NHSL1: variants seen among roughly 807,000 people sequenced by gnomAD.
The protein encoded by NHSL1 is NHS like 1, also known as NHS-like protein 1.
NHSL1 carries 48 observed loss-of-function variants against 95.0 expected under a neutral mutation model. That is an observed-to-expected ratio of 0.51 (90% CI 0.40 to 0.64). NHSL1 has a LOEUF of 0.64. Among genes scored for constraint, NHSL1 ranks in the 30% least tolerant of loss-of-function variants. The pLI, the probability that NHSL1 is intolerant of heterozygous loss-of-function variation, is 0.00. For synonymous variants in NHSL1, 783 were observed against 833.9 expected (o/e 0.94, Z 1.05); for missense variants, 1,971 against 2,077.7 (o/e 0.95, Z 1.00).
At chr6:138,561,956 T>C (rs1284739726) in intron 1 of NHSL1, among the ~76,000 whole-genome samples, 1 of 152,360 alleles carries the variant, frequency 6.6e-6, no homozygotes, top group South Asian at 2.1e-4. Context: ...GTCTATGATA[T>C]CTACTAGTCA....
upstream of NHSL1, among the ~76,000 whole-genome samples, chr6:138,548,845 C>T (rs1782900069): frequency 6.6e-6 from 1 of 151,306 alleles, no homozygotes; most frequent in Non-Finnish European, 1.5e-5. Context: ...CAGAAGAATA[C>T]ACAAAATTAA....
At chr6:138,600,647 T>C (rs1431398285) in intron 1 of NHSL1, among the ~76,000 whole-genome samples, 1 of 152,228 alleles carries the variant, frequency 6.6e-6, no homozygotes, top group Non-Finnish European at 1.5e-5. Flanking sequence ...AAATGAAAAA[T>C]AATATTAATA....
upstream of NHSL1, among the ~76,000 whole-genome samples, chr6:138,546,427 C>CCAA (rs1782797834): frequency 2.0e-5 from 1 of 50,918 alleles, no homozygotes; most frequent in Non-Finnish European, 3.7e-5. Context: ...CCCATCTCTA[C>CCAA]AAAAAAAAAA....
chr6:138,561,030 C>T (rs1783390608), intron 1 of NHSL1, among the ~76,000 whole-genome samples: 1 of 152,278 alleles, frequency 6.6e-6, no homozygotes, highest in East Asian at 1.9e-4. Flanking sequence ...AGTTTTCCTT[C>T]GAGAAAGCCA....
In NHSL1 at chr6:138,669,496, A is replaced by G. The variant is rs538430953; in HGVS notation, c.96+22980T>C. On this transcript the variant is annotated intron_variant, in intron 1 of 3. Transcript: ENST00000491526. ...AGAGGTGAATTGATTTTCTTGGGGA[A>G]GAAGGAACAGTTAAAAGAAGAATTG... 3.3e-5 allele frequency among the ~76,000 whole-genome samples: 5 copies of G among 152,282 alleles called. No individual in the cohort carries two copies. The South Asian group carries it at 1.0e-3, about 32-fold the overall frequency.
At position 138,424,903 on chromosome 6, in the gene NHSL1, C is replaced by T; in HGVS notation, c.4086-87G>A. 1 of 1,066,520 alleles carries T rather than the reference C, an allele frequency of 9.4e-7. No individual in the cohort carries two copies. Among genetic ancestry groups the T allele is most frequent in the Non-Finnish European group, 1.3e-6 (1 of 750,058 alleles). 66.1% of individuals were successfully genotyped at this position (1,066,520 alleles called of 1,614,324 possible). ...AACCACTCTGCTCTTATCGCATCTT[C>T]AGGTCACCATCTACTTAAGATTCAC... is the stretch of plus-strand genomic sequence containing the variant. On this transcript the variant is annotated intron_variant, in intron 7 of 7. Transcript: ENST00000343505. This position sits in a 1 kb window ranked among gnomAD's most constrained non-coding sequence, Gnocchi z 5.9.
At chr6:138,677,930 G>A (rs1785468661) in intron 1 of NHSL1, among the ~76,000 whole-genome samples, 1 of 152,172 alleles carries the variant, frequency 6.6e-6, no homozygotes, top group South Asian at 2.1e-4. Flanking sequence ...AACCACTGAT[G>A]TAAGTTAAGG....
chr6:138,594,379 T>C (rs1784273719), intron 1 of NHSL1, among the ~76,000 whole-genome samples: 1 of 152,204 alleles, frequency 6.6e-6, no homozygotes, highest in Admixed American at 6.5e-5. Flanking sequence ...GGACTGCCAA[T>C]TTCGCGGGGC....
At chr6:138,530,365 T>C (rs1018687950) in intron 1 of NHSL1, among the ~76,000 whole-genome samples, 7 of 152,226 alleles carry the variant, frequency 4.6e-5, no homozygotes, top group Non-Finnish European at 1.0e-4. Context: ...GAAAACAGTA[T>C]GGAGATTCCT....
chr6:138,691,751 T>C (rs1165714713), intron 1 of NHSL1: 1 of 355,028 alleles, frequency 2.8e-6, no homozygotes, highest in Non-Finnish European at 5.6e-6. Flanking sequence ...TGAAATGAAA[T>C]GGATCACCGG....
chr6:138,484,399 T>C (rs1325342510), intron 2 of NHSL1, among the ~76,000 whole-genome samples: 4 of 152,142 alleles, frequency 2.6e-5, no homozygotes, highest in Non-Finnish European at 5.9e-5. Context: ...TATTTTATAA[T>C]AACACAATTC....
chr6:138,430,467 T>G lies in NHSL1; in HGVS notation c.3878A>C (p.Gln1293Pro). 3 of 1,549,908 alleles carry G rather than the reference T, an allele frequency of 1.9e-6. No individual in the cohort carries two copies. Among genetic ancestry groups the G allele is most frequent in the Non-Finnish European group, 1.7e-6 (2 of 1,145,890 alleles). ...VQPDVSPAPK[Q>P]EEPAENSADT... ...CGCACTGTTCTCGGCTGGCTCCTCC[T>G]GCTTGGGGGCTGGTGAGACATCAGG... Residue 1293 changes from glutamine (Q) to proline (P), a missense_variant, in exon 6 of 8, where the codon CAG becomes CCG. By Grantham distance (76) the Gln-to-Pro change is moderately conservative. Around this residue, in one of 3 missense-constraint regions of NHSL1, gnomAD observed 1,602 missense variants for 1,654.5 expected, o/e 0.97. Transcript: ENST00000343505. This position sits in a 1 kb window ranked among gnomAD's most constrained non-coding sequence, Gnocchi z 4.7.
chr6:138,605,423 A>G (rs1268584855), intron 1 of NHSL1, among the ~76,000 whole-genome samples: 1 of 152,184 alleles, frequency 6.6e-6, no homozygotes, highest in Non-Finnish European at 1.5e-5. Context: ...CTTTTCATAT[A>G]AGCAAATAAA....
At chr6:138,440,316 A>T (rs1459515478) in intron 5 of NHSL1, among the ~76,000 whole-genome samples, 2 of 152,214 alleles carry the variant, frequency 1.3e-5, no homozygotes, top group Admixed American at 1.3e-4. Context: ...AGAATAAGGC[A>T]TAAACTGAGA....
intron 1 of NHSL1, among the ~76,000 whole-genome samples, chr6:138,612,536 T>C (rs897611022): frequency 1.3e-5 from 2 of 152,186 alleles, no homozygotes; most frequent in African/African-American, 4.8e-5. Flanking sequence ...ATAATTTCCA[T>C]GGAAAAAATA....
chr6:138,566,004 C>A (rs930399344), intron 1 of NHSL1, among the ~76,000 whole-genome samples: 1 of 150,112 alleles, frequency 6.7e-6, no homozygotes, highest in Non-Finnish European at 1.5e-5. Flanking sequence ...TATAGTTAAA[C>A]CAAAACACCC....
Position 138,430,755 on chromosome 6 carries a change from T to C in NHSL1, c.3590A>G (p.Lys1197Arg). 1 of 1,551,748 alleles carries C rather than the reference T, an allele frequency of 6.4e-7. No individual in the cohort carries two copies. The highest frequency in any genetic ancestry group is 8.7e-7 in the Non-Finnish European group (1 of 1,147,020). Reference sequence around the variant, plus strand: ...TACCACCAGGAACAGTTTGGGCTTCTTGGAAATGGGGGGTGGCTTCCTGCT... The same window carrying C: ...TACCACCAGGAACAGTTTGGGCTTCCTGGAAATGGGGGGTGGCTTCCTGCT... ...SPSRKPPPISKKPKLFLVVPP... is the reference protein window; with the variant it reads ...SPSRKPPPISRKPKLFLVVPP... Residue 1197 changes from lysine (K) to arginine (R), a missense_variant, in exon 6 of 8, where the codon AAG becomes AGG. Lys to Arg is a conservative substitution (Grantham distance 26, BLOSUM62 2). This residue lies in a region of NHSL1 where 1,602 missense variants were observed against 1,654.5 expected (regional missense o/e 0.97). Coordinates refer to ENST00000343505, the MANE Select transcript of NHSL1 (RefSeq NM_001144060.2). The surrounding 1 kb of genome is among the most constrained non-coding windows in gnomAD (Gnocchi z 4.7).
chr6:138,621,483 T>C (rs957595513), intron 1 of NHSL1, among the ~76,000 whole-genome samples: 16 of 150,836 alleles, frequency 1.1e-4, no homozygotes, highest in African/African-American at 3.5e-4. Flanking sequence ...TTTTTTTTTT[T>C]TCCCCCCAAG....
intron 1 of NHSL1, among the ~76,000 whole-genome samples, chr6:138,687,852 T>TA (rs77447720): frequency 0.15 from 22,257 of 152,146 alleles, 1,794 homozygotes; most frequent in East Asian, 0.37. Context: ...GGGGAATAAC[T>TA]AGTTATGAGT....
Sources: allele counts gnomAD v4.1 joint callset (sites outside exome capture counted in the v4.1 genomes callset), GRCh38; gene constraint gnomAD v4.1.1; regional missense constraint gnomAD v4.1.1; non-coding constraint Gnocchi (gnomAD v3.1); transcripts MANE v1.5; gene names NCBI Gene and HGNC (gene_info 2026-07-23, HGNC 2026-07-21).